Variants in MEGF9 observed in about 807,000 individuals in gnomAD.
The protein encoded by MEGF9 is multiple epidermal growth factor-like domains protein 9.
A neutral mutation model predicts 46.8 loss-of-function variants in MEGF9; 6 were observed. The observed-to-expected ratio is 0.13, with a 90% CI of 0.07 to 0.25. The LOEUF is 0.25. Among genes scored for constraint, MEGF9 ranks in the 10% least tolerant of loss-of-function variants. The pLI is 1.00. For synonymous variants in MEGF9, 302 were observed against 330.7 expected, an observed-to-expected ratio of 0.91 and a Z score of 0.94; for missense variants, 683 against 792.4, an observed-to-expected ratio of 0.86 and a Z score of 1.66.
At chr9:120,663,425 G>A (rs773122087) in intron 1 of MEGF9, among the ~76,000 whole-genome samples, 4 of 152,160 alleles carry the variant, frequency 2.6e-5, no homozygotes, top group East Asian at 3.8e-4. Context: ...ACATTTGTGC[G>A]GAACCAGATA....
intron 1 of MEGF9, among the ~76,000 whole-genome samples, chr9:120,686,568 T>TA (rs2043823758): frequency 6.6e-6 from 1 of 152,244 alleles, no homozygotes; most frequent in African/African-American, 2.4e-5. Flanking sequence ...TACAGTATGC[T>TA]GGTAGGCATT....
chr9:120,667,044 T>A (rs368079923), intron 1 of MEGF9, among the ~76,000 whole-genome samples: 13 of 152,176 alleles, frequency 8.5e-5, no homozygotes, highest in African/African-American at 3.1e-4. Flanking sequence ...GCACATCAAA[T>A]GAGTAAATTT....
chr9:120,655,463 G>A (rs992107754), intron 2 of MEGF9, among the ~76,000 whole-genome samples: 1 of 152,140 alleles, frequency 6.6e-6, no homozygotes, highest in Non-Finnish European at 1.5e-5. Flanking sequence ...CTATGATGCT[G>A]TGTGACAATG....
intron 1 of MEGF9, chr9:120,690,142 C>T (rs2043841925): frequency 2.8e-6 from 1 of 354,200 alleles, no homozygotes; most frequent in South Asian, 2.3e-5. Flanking sequence ...AAACTAATAT[C>T]AAAGTCATAC....
chr9:120,634,171 G>A (rs2043562413), intron 2 of MEGF9, among the ~76,000 whole-genome samples: 1 of 152,126 alleles, frequency 6.6e-6, no homozygotes, highest in Non-Finnish European at 1.5e-5. Flanking sequence ...TATGTCCAAT[G>A]TTGAGACGTT....
chr9:120,637,970 T>A (rs1447369778), intron 2 of MEGF9, among the ~76,000 whole-genome samples: 1 of 152,008 alleles, frequency 6.6e-6, no homozygotes, highest in Non-Finnish European at 1.5e-5. Context: ...AAAAGAGATG[T>A]TTAGTGAAAG....
intron 1 of MEGF9, among the ~76,000 whole-genome samples, chr9:120,676,259 T>A (rs1241082816): frequency 1.3e-5 from 2 of 152,136 alleles, no homozygotes; most frequent in African/African-American, 4.8e-5. Flanking sequence ...ACCGGTTCCA[T>A]CTCTACAAAA....
At chr9:120,665,608 CCTCCAG>C (rs1289192136) in intron 1 of MEGF9, among the ~76,000 whole-genome samples, 3 of 152,136 alleles carry the variant, frequency 2.0e-5, no homozygotes, top group African/African-American at 7.2e-5. Context: ...CTTAACATAA[CCTCCAG>C]CTTCATCCAT....
chr9:120,625,151 T>C (rs1241882932), intron 2 of MEGF9, among the ~76,000 whole-genome samples: 1 of 152,186 alleles, frequency 6.6e-6, no homozygotes, highest in Non-Finnish European at 1.5e-5. Context: ...AACCTGTCTC[T>C]CATAAAGCCC....
At chr9:120,634,262 T>C (rs1273956506) in intron 2 of MEGF9, among the ~76,000 whole-genome samples, 4 of 152,108 alleles carry the variant, frequency 2.6e-5, no homozygotes, top group African/African-American at 4.8e-5. Context: ...TGTGCATATG[T>C]GGGTGCTCCA....
At position 120,702,310 on chromosome 9, in the gene MEGF9, A is replaced by G. The variant is rs145573665; in HGVS notation, c.601+11448T>C. On this transcript the variant is annotated intron_variant, in intron 1 of 5. Transcript: ENST00000373930. ...ACTTGCTTAGTCAATGACAGAAATT[A>G]TAGTTAAGTGGCCCTGGGTAATATC... 2.1e-3 allele frequency among the ~76,000 whole-genome samples: 320 copies of G among 152,350 alleles called. 1 individual carries two copies. The highest frequency in any genetic ancestry group is 7.2e-3 in the African/African-American group (301 of 41,594).
At chr9:120,637,468 T>G (rs2043582897) in intron 2 of MEGF9, among the ~76,000 whole-genome samples, 1 of 149,710 alleles carries the variant, frequency 6.7e-6, no homozygotes, top group South Asian at 2.1e-4. Flanking sequence ...TTTTAAAGAA[T>G]AAAGTATGTA....
Position 120,607,881 on chromosome 9 carries a change from A to T in MEGF9, c.1217T>A (p.Val406Glu). The change falls in exon 5 of 6, where the codon GTG (valine) becomes GAG (glutamate). Residue 406 changes from valine to glutamate, a missense_variant. This residue lies in a region of MEGF9 where 313 missense variants were observed against 421.1 expected (regional missense o/e 0.74). Transcript: ENST00000373930. Reference sequence around the variant, plus strand: ...AATCTTTGGAGTTTTAACTGGGTCCACATGGCCGTGACATTGGCACTTTCT... The same window carrying T: ...AATCTTTGGAGTTTTAACTGGGTCCTCATGGCCGTGACATTGGCACTTTCT... ...ICRKCQCHGH[V>E]DPVKTPKICK... 1 of 1,614,032 alleles carries T rather than the reference A, an allele frequency of 6.2e-7. No individual in the cohort carries two copies. Among genetic ancestry groups the T allele is most frequent in the Non-Finnish European group, 8.5e-7 (1 of 1,179,890 alleles).
At chr9:120,649,051 T>C (rs1049072854) in intron 2 of MEGF9, among the ~76,000 whole-genome samples, 1 of 152,210 alleles carries the variant, frequency 6.6e-6, no homozygotes, top group Middle Eastern at 3.2e-3. Context: ...TATTTGCATA[T>C]GCACGTCCTC....
At chr9:120,703,871 G>A (rs1179507855) in intron 1 of MEGF9, among the ~76,000 whole-genome samples, 1 of 152,070 alleles carries the variant, frequency 6.6e-6, no homozygotes, top group African/African-American at 2.4e-5. Context: ...TACTTGGGAG[G>A]CTGAGGCAGG....
chr9:120,650,649 G>T (rs1318048621), intron 2 of MEGF9, among the ~76,000 whole-genome samples: 1 of 152,198 alleles, frequency 6.6e-6, no homozygotes, highest in African/African-American at 2.4e-5. Context: ...AAAGCCAATT[G>T]TTAGTTCCAT....
intron 3 of MEGF9, among the ~76,000 whole-genome samples, chr9:120,616,354 C>A (rs1419278127): frequency 6.6e-6 from 1 of 151,894 alleles, no homozygotes; most frequent in Non-Finnish European, 1.5e-5. Flanking sequence ...TAATAGCTTA[C>A]AACTCCTCTG....
At chr9:120,616,608 G>C (rs911104349) in intron 3 of MEGF9, among the ~76,000 whole-genome samples, 1 of 151,278 alleles carries the variant, frequency 6.6e-6, no homozygotes, top group African/African-American at 2.4e-5. Context: ...GAATCCGGGA[G>C]GCGGAGCTTG....
chr9:120,689,871 T>C (rs962599649), intron 1 of MEGF9: 1 of 492,930 alleles, frequency 2.0e-6, no homozygotes, highest in Non-Finnish European at 4.2e-6. Context: ...TTGCACATTA[T>C]GTCAATACCT....
Sources: allele counts gnomAD v4.1 joint callset (sites outside exome capture counted in the v4.1 genomes callset), GRCh38; gene constraint gnomAD v4.1.1; regional missense constraint gnomAD v4.1.1; transcripts MANE v1.5; gene names NCBI Gene and HGNC (gene_info 2026-07-23, HGNC 2026-07-21).